The following OXR1 variants were observed in gnomAD, a reference collection of about 807,000 sequenced individuals.
The protein encoded by OXR1 is oxidation resistance protein 1.
In OXR1, 41 loss-of-function variants were observed where a neutral mutation model predicts 104.6. The ratio of observed to expected loss-of-function variants is 0.39; its 90% CI spans 0.31 to 0.51. OXR1 has a LOEUF of 0.51. OXR1 is among the 20% of genes least tolerant of loss of function. The pLI is 0.77. For synonymous variants in OXR1, 348 were observed against 348.4 expected, an observed-to-expected ratio of 1.00 and a Z score of 0.01; for missense variants, 955 against 1,031.9, an observed-to-expected ratio of 0.93 and a Z score of 1.02.
intron 1 of OXR1, among the ~76,000 whole-genome samples, chr8:106,321,188 A>G (rs1814199618): frequency 6.6e-6 from 1 of 152,248 alleles, no homozygotes; most frequent in East Asian, 1.9e-4. Context: ...TGAAATCACA[A>G]TTTAACAAAA....
intron 3 of OXR1, among the ~76,000 whole-genome samples, chr8:106,609,415 GTAGA>G (rs1460401876): frequency 1.3e-5 from 2 of 152,146 alleles, no homozygotes; most frequent in African/African-American, 4.8e-5. Context: ...TGGATTCTAA[GTAGA>G]TAGATAATAG....
intron 3 of OXR1, chr8:106,618,062 A>T: frequency 6.5e-7 from 1 of 1,533,746 alleles, no homozygotes; most frequent in South Asian, 1.2e-5. Flanking sequence ...CAGAAAGGAA[A>T]TGTTATATTA....
chr8:106,707,629 A>G (rs776940), intron 9 of OXR1: 1 of 172,684 alleles, frequency 5.8e-6, no homozygotes, highest in South Asian at 1.8e-4. Context: ...CATCATCATC[A>G]TCTAATTATT....
At chr8:106,337,885 T>C (rs1327612185) in intron 1 of OXR1, among the ~76,000 whole-genome samples, 3 of 152,208 alleles carry the variant, frequency 2.0e-5, no homozygotes, top group Non-Finnish European at 4.4e-5. Flanking sequence ...TTGTACATAA[T>C]AAAGAATTAT....
chr8:106,746,267 A>C (rs755566201), intron 16 of OXR1, among the ~76,000 whole-genome samples: 4 of 6,388 alleles, frequency 6.3e-4, no homozygotes, highest in African/African-American at 5.9e-3. Context: ...TCTGGAGACC[A>C]TTTGGAATGA....
At chr8:106,731,591 T>C (rs951332211) in intron 11 of OXR1, among the ~76,000 whole-genome samples, 5 of 152,168 alleles carry the variant, frequency 3.3e-5, no homozygotes, top group Admixed American at 6.5e-5. Flanking sequence ...TTTGTCTCAA[T>C]TGACTGTTCT....
Position 106,615,196 on chromosome 8 carries a change from G to A in OXR1, c.221-64014G>A, listed in dbSNP as rs187502603. Among the ~76,000 whole-genome samples the A allele has an allele frequency of 7.7e-4, 117 of 152,158 alleles. 3 individuals are homozygous for A. The South Asian group carries it at 0.016, about 20-fold the overall frequency. On this transcript the variant is annotated intron_variant, in intron 3 of 16. Transcript: ENST00000517566. ...TGTAATCCCAACACTTTGGGAGGCC[G>A]AGGCAGGTAGATCACTTGAGGTCAG...
rs986179412 is a variant in OXR1 at position 106,478,190 on chromosome 8, G to A, written c.24-40753G>A. Among the ~76,000 whole-genome samples the A allele has an allele frequency of 1.4e-4, 21 of 151,820 alleles. No homozygotes were observed. The East Asian group carries it at 2.7e-3, about 20-fold the overall frequency. On this transcript the variant is annotated intron_variant, in intron 2 of 16. Coordinates refer to ENST00000517566, the MANE Select transcript of OXR1 (RefSeq NM_001198533.2). ...TGAGAATAGTTTATTATCAGTGTGC[G>A]AATTTTATGTAACTGGTCATTCTAC...
At chr8:106,408,995 T>A (rs1818355389) in intron 2 of OXR1, among the ~76,000 whole-genome samples, 1 of 152,150 alleles carries the variant, frequency 6.6e-6, no homozygotes, top group South Asian at 2.1e-4. Context: ...CAAGCCTGTT[T>A]AAGAAAAATT....
At chr8:106,301,170 A>G (rs1813223170) in intron 1 of OXR1, among the ~76,000 whole-genome samples, 1 of 152,190 alleles carries the variant, frequency 6.6e-6, no homozygotes, top group Admixed American at 6.5e-5. Context: ...TGAATGCATT[A>G]CCTGGAGCCA....
chr8:106,739,616 T>G (rs752538100), intron 13 of OXR1, 33 bp downstream of exon 13: 3 of 1,607,504 alleles, frequency 1.9e-6, no homozygotes, highest in Non-Finnish European at 2.6e-6. Context: ...CATTTCTGAG[T>G]GTGAGTGTGT....
At chr8:106,470,675 G>T (rs1821442101) in intron 2 of OXR1, among the ~76,000 whole-genome samples, 1 of 151,698 alleles carries the variant, frequency 6.6e-6, no homozygotes, top group Admixed American at 6.6e-5. Context: ...GAGGCAGTAA[G>T]TGTAGATAGA....
intron 1 of OXR1, among the ~76,000 whole-genome samples, chr8:106,313,225 G>C (rs1402216700): frequency 6.6e-6 from 1 of 151,852 alleles, no homozygotes; most frequent in African/African-American, 2.4e-5. Context: ...GACTGCTTTT[G>C]AGGTTGGTGA....
At chr8:106,535,516 G>A (rs1204553241) in intron 3 of OXR1, among the ~76,000 whole-genome samples, 1 of 152,146 alleles carries the variant, frequency 6.6e-6, no homozygotes, top group Non-Finnish European at 1.5e-5. Flanking sequence ...CCTTTGAAAT[G>A]TAAACACAAA....
At chr8:106,436,725 GC>G (rs1023089254) in intron 2 of OXR1, among the ~76,000 whole-genome samples, 9 of 152,050 alleles carry the variant, frequency 5.9e-5, no homozygotes, top group African/African-American at 2.2e-4. Context: ...TTCACACATA[GC>G]CTTCCCTGCA....
At chr8:106,497,444 C>T (rs896148414) in intron 2 of OXR1, among the ~76,000 whole-genome samples, 3 of 151,908 alleles carry the variant, frequency 2.0e-5, no homozygotes, top group African/African-American at 4.8e-5. Context: ...ATATAATTTT[C>T]CCTGCCTGCC....
At chr8:106,736,165 ACC>A (rs5893803) in intron 11 of OXR1, among the ~76,000 whole-genome samples, 2 of 145,606 alleles carry the variant, frequency 1.4e-5, no homozygotes, top group African/African-American at 4.9e-5. Context: ...TTTATCTGAC[ACC>A]CCCCCCCATC....
intron 2 of OXR1, among the ~76,000 whole-genome samples, chr8:106,424,175 T>A (rs1240951192): frequency 1.3e-5 from 2 of 152,110 alleles, no homozygotes; most frequent in East Asian, 3.8e-4. Context: ...TGACCTTAAG[T>A]GATCCACCCC....
At chr8:106,582,333 T>G (rs753989492) in intron 3 of OXR1, among the ~76,000 whole-genome samples, 1 of 151,296 alleles carries the variant, frequency 6.6e-6, no homozygotes, top group Admixed American at 6.6e-5. Flanking sequence ...ACTATAGGAG[T>G]AAGAGTTAAG....
Sources: gnomAD v4.1 joint callset for allele counts (sites outside exome capture counted in the v4.1 genomes callset) on GRCh38, gnomAD v4.1.1 for gene constraint, MANE v1.5 for transcripts, NCBI Gene and HGNC (gene_info 2026-07-23, HGNC 2026-07-21) for gene names.